Variants in TRAP1 observed in about 807,000 individuals in gnomAD.
TRAP1 encodes the protein heat shock protein 75 kDa, mitochondrial.
In TRAP1, 102 loss-of-function variants were observed where a neutral mutation model predicts 89.1. That is an observed-to-expected ratio of 1.15 (90% CI 0.98 to 1.35). TRAP1 has a LOEUF of 1.35. Ranked by LOEUF, TRAP1 falls within the 40% of genes most tolerant of loss-of-function variation. TRAP1 has a pLI of 0.00. For missense variants in TRAP1, 1,256 were observed against 945.3 expected, an observed-to-expected ratio of 1.33 and a Z score of -4.31; for synonymous variants, 508 against 388.0, an observed-to-expected ratio of 1.31 and a Z score of -3.64.
intron 1 of TRAP1, among the ~76,000 whole-genome samples, chr16:3,707,875 AG>A (rs541760506): frequency 3.6e-5 from 5 of 140,192 alleles, no homozygotes; most frequent in Non-Finnish European, 6.1e-5. Context: ...AAAAAAAAAA[AG>A]ACAAACACAT....
chr16:3,672,954 G>A, intron 9 of TRAP1, 134 bp from the exon 10 acceptor site: 1 of 1,337,342 alleles, frequency 7.5e-7, no homozygotes, highest in Non-Finnish European at 9.9e-7. Context: ...GCTCTGAGTT[G>A]AAGCCCAGTG....
chr16:3,716,722 C>A (rs952298320), intron 1 of TRAP1, among the ~76,000 whole-genome samples: 34 of 152,338 alleles, frequency 2.2e-4, no homozygotes, highest in Admixed American at 5.2e-4. Flanking sequence ...ACTGTTGTTA[C>A]CTCCGAGTGG....
chr16:3,693,661 T>C (rs146048606), intron 1 of TRAP1, among the ~76,000 whole-genome samples: 1 of 152,294 alleles, frequency 6.6e-6, no homozygotes, highest in East Asian at 1.9e-4. Context: ...CTAGGACTAC[T>C]GAAACACAGC....
At chr16:3,694,188 G>C (rs2051256051) in intron 1 of TRAP1, among the ~76,000 whole-genome samples, 1 of 151,910 alleles carries the variant, frequency 6.6e-6, no homozygotes, top group African/African-American at 2.4e-5. Context: ...TGTGAGTCCT[G>C]GCTGTGTCCA....
chr16:3,674,764 AC>A (rs1240407544), intron 8 of TRAP1: 13 of 517,196 alleles, frequency 2.5e-5, no homozygotes, highest in Non-Finnish European at 4.6e-5. Context: ...GGAGAGGATG[AC>A]GCTGCCCAGC....
At chr16:3,704,527 CATTA>C (rs1361132122) in intron 1 of TRAP1, among the ~76,000 whole-genome samples, 1 of 152,034 alleles carries the variant, frequency 6.6e-6, no homozygotes. Context: ...TATTAAAGAA[CATTA>C]ATATAAAGCT....
intron 11 of TRAP1, among the ~76,000 whole-genome samples, chr16:3,669,286 G>A (rs1264127520): frequency 2.0e-5 from 3 of 152,178 alleles, no homozygotes; most frequent in African/African-American, 4.8e-5. Flanking sequence ...CAGAACAGTC[G>A]CTGCTGTGGG....
At chr16:3,704,539 G>C (rs959154441) in intron 1 of TRAP1, among the ~76,000 whole-genome samples, 2 of 151,938 alleles carry the variant, frequency 1.3e-5, no homozygotes, top group Non-Finnish European at 2.9e-5. Context: ...TTAATATAAA[G>C]CTACAATATT....
chr16:3,672,726 AG>A lies in TRAP1; in HGVS notation c.1138del (p.Leu380CysfsTer19), dbSNP rs1210505741. On this transcript the variant is annotated frameshift_variant, in exon 10 of 18. Coordinates refer to ENST00000246957, the MANE Select transcript of TRAP1 (RefSeq NM_016292.3). LOFTEE classifies it high-confidence loss of function. ...VLIQTKATDI[L>X]PKWLRFIRGV... Reference sequence around the variant, plus strand: ...TCGGATGAAGCGCAGCCACTTGGGCAGGATGTCCGTGGCCTTGGTCTGGATG... The same window carrying A: ...TCGGATGAAGCGCAGCCACTTGGGCAGATGTCCGTGGCCTTGGTCTGGATG... The A allele has an allele frequency of 6.2e-7, 1 of 1,610,216 alleles. No homozygotes were observed. Among genetic ancestry groups the A allele is most frequent in the Non-Finnish European group, 8.5e-7 (1 of 1,178,576 alleles).
Position 3,690,972 on chromosome 16 carries a change from C to A in TRAP1, c.102G>T (p.Leu34=). ...ACTGGGCTGTGGTCCTCCGAGGACA[C>A]AGAATTGGTTTTCCTGAAAAGACAA... ...LAAVPGGKPI[L]CPRRTTAQLG... Residue 34 remains leucine (L), a synonymous_variant, in exon 2 of 18, where the codon CTG becomes CTT. Coordinates refer to ENST00000246957, the MANE Select transcript of TRAP1 (RefSeq NM_016292.3). 6.6e-7 allele frequency: 1 copy of A among 1,520,102 alleles called. No homozygotes were observed. The highest frequency in any genetic ancestry group is 8.8e-7 in the Non-Finnish European group (1 of 1,136,066). The allele number at this position is 1,520,102 out of a possible 1,614,324, so 94.2% of individuals were successfully genotyped here. A position where few individuals can be genotyped will look rare whatever the true frequency, so the allele number is the denominator to read the frequency against.
chr16:3,660,574 C>G (rs973439437), intron 16 of TRAP1: 2 of 152,220 alleles, frequency 1.3e-5, no homozygotes, highest in Admixed American at 1.3e-4. Context: ...GTCCGCCTCA[C>G]TGAGCTGCTC....
rs193073625 is a variant in TRAP1 at position 3,676,435 on chromosome 16, A to G, written c.705-290T>C. The G allele has an allele frequency of 5.4e-4, 122 of 226,064 alleles. No individual in the cohort carries two copies. In the East Asian group the frequency reaches 7.9e-3, roughly 15 times the overall value. 14.0% of individuals were successfully genotyped at this position (226,064 alleles called of 1,614,324 possible). A position where few individuals can be genotyped will look rare whatever the true frequency, so the allele number is the denominator to read the frequency against. On this transcript the variant is annotated intron_variant, in intron 6 of 17. Transcript: ENST00000246957. ...CGAAGAAGCTTCTGGGCTTACCCCAAAAGCAGGCCTGGGGCACTGTGGGGG... is the reference window on the plus strand; with the variant it reads ...CGAAGAAGCTTCTGGGCTTACCCCAGAAGCAGGCCTGGGGCACTGTGGGGG...
At chr16:3,698,290 T>G (rs1006876542) in intron 1 of TRAP1, among the ~76,000 whole-genome samples, 17 of 152,074 alleles carry the variant, frequency 1.1e-4, no homozygotes, top group African/African-American at 4.1e-4. Flanking sequence ...CAGATTTGAT[T>G]TCAGGTTATG....
Position 3,676,374 on chromosome 16 carries a change from GCGGGGGGGCGGGGGT to G in TRAP1, c.705-244_705-230del, listed in dbSNP as rs1200523373. 1.9e-4 allele frequency: 11 copies of G among 58,478 alleles called. 1 individual carries two copies. Among genetic ancestry groups the G allele is most frequent in the South Asian group, 9.0e-4 (2 of 2,220 alleles). 3.6% of individuals were successfully genotyped at this position (58,478 alleles called of 1,614,324 possible). ...TTCTCCTGGTTCCCTCGGGCGGGGG[GCGGGGGGGCGGGGGT>G]CCTCCACCGACCCTGGGCTTCGAAG... On this transcript the variant is annotated intron_variant, in intron 6 of 17. Transcript: ENST00000246957.
At chr16:3,667,657 A>T (rs968420266) in intron 11 of TRAP1, among the ~76,000 whole-genome samples, 69 of 151,482 alleles carry the variant, frequency 4.6e-4, no homozygotes, top group Non-Finnish European at 9.1e-4. Context: ...AAATAAAAAT[A>T]AAAAAATTTT....
chr16:3,700,658 G>T (rs958076628), intron 1 of TRAP1, among the ~76,000 whole-genome samples: 3 of 151,462 alleles, frequency 2.0e-5, no homozygotes, highest in African/African-American at 7.3e-5. Flanking sequence ...TAGAGATGGG[G>T]TTTCTCCATG....
chr16:3,673,316 AGCAGGGCAGTGCT>A (rs1047984604), intron 9 of TRAP1, among the ~76,000 whole-genome samples: 1 of 152,224 alleles, frequency 6.6e-6, no homozygotes, highest in African/African-American at 2.4e-5. Context: ...CTCAGAGGGC[AGCAGGGCAGTGCT>A]GCTTCCTCAC....
At chr16:3,677,734 C>T (rs994376796) in intron 5 of TRAP1, 76 bp from the exon 6 acceptor site, 40 of 1,523,700 alleles carry the variant, frequency 2.6e-5, no homozygotes, top group African/African-American at 4.1e-5. Flanking sequence ...GGCTCTTCTG[C>T]GAGCACCGCT....
intron 16 of TRAP1, chr16:3,659,747 T>G (rs2042954646): frequency 8.6e-6 from 1 of 116,350 alleles, no homozygotes; most frequent in Non-Finnish European, 1.7e-5. Flanking sequence ...ACACTTTTTT[T>G]TTTAGATAGA....
Sources: gnomAD v4.1 joint callset for allele counts (sites outside exome capture counted in the v4.1 genomes callset) on GRCh38, gnomAD v4.1.1 for gene constraint, MANE v1.5 for transcripts, NCBI Gene and HGNC (gene_info 2026-07-23, HGNC 2026-07-21) for gene names.